The following HS6ST3 variants were observed in gnomAD, a reference collection of about 807,000 sequenced individuals.
HS6ST3 encodes the protein heparan-sulfate 6-O-sulfotransferase 3.
Under a neutral mutation model 36.7 loss-of-function variants are expected in HS6ST3, and 12 were observed. That is an observed-to-expected ratio of 0.33 (90% CI 0.21 to 0.53). The LOEUF is 0.53. Ranked by LOEUF, HS6ST3 falls within the 20% of genes least tolerant of loss-of-function variation. HS6ST3 has a pLI of 0.95. For missense variants in HS6ST3, 584 were observed against 640.9 expected (o/e 0.91, Z 0.96); for synonymous variants, 240 against 257.5 (o/e 0.93, Z 0.65).
intron 1 of HS6ST3, among the ~76,000 whole-genome samples, chr13:96,455,863 T>C (rs1594784113): frequency 6.6e-6 from 1 of 152,330 alleles, no homozygotes; most frequent in Non-Finnish European, 1.5e-5. Context: ...ACAGAAAGCC[T>C]GTGCTTTTGT....
At chr13:96,694,710 G>C (rs1456147190) in intron 1 of HS6ST3, among the ~76,000 whole-genome samples, 1 of 151,972 alleles carries the variant, frequency 6.6e-6, no homozygotes, top group African/African-American at 2.4e-5. Context: ...GTTATTTTTT[G>C]ACTTTTTAAT....
At chr13:96,565,981 T>C (rs1469664473) in intron 1 of HS6ST3, among the ~76,000 whole-genome samples, 2 of 152,130 alleles carry the variant, frequency 1.3e-5, no homozygotes, top group Non-Finnish European at 1.5e-5. Context: ...TGATGCAGGC[T>C]TATTCATACA....
intron 1 of HS6ST3, among the ~76,000 whole-genome samples, chr13:96,294,437 GTTTTTC>G (rs2054844767): frequency 6.6e-6 from 1 of 152,108 alleles, no homozygotes; most frequent in African/African-American, 2.4e-5. Context: ...AAAGAAGGAA[GTTTTTC>G]TTTTTCAGTT....
chr13:96,317,398 T>C, intron 1 of HS6ST3, among the ~76,000 whole-genome samples: 1 of 120,076 alleles, frequency 8.3e-6, no homozygotes, highest in East Asian at 2.3e-4. Flanking sequence ...ATATATATCA[T>C]GGAATATATA....
intron 1 of HS6ST3, among the ~76,000 whole-genome samples, chr13:96,162,678 C>A (rs1222971627): frequency 6.6e-6 from 1 of 152,104 alleles, no homozygotes; most frequent in African/African-American, 2.4e-5. Context: ...TGTGGTTTAA[C>A]TTTATTAAAT....
intron 1 of HS6ST3, among the ~76,000 whole-genome samples, chr13:96,773,743 G>A (rs554705003): frequency 5.9e-5 from 9 of 152,296 alleles, no homozygotes; most frequent in African/African-American, 2.2e-4. Flanking sequence ...GGCAGCTGTG[G>A]GCGCAGCTTC....
In HS6ST3 at chr13:96,399,393, G is replaced by T. The variant is rs555867480; in HGVS notation, c.707+307824G>T. ...ATGAGAAAATTTAATCACATATGACGTGTCTGTAACAGGGTTTAGATTAAT... is the reference window on the plus strand; with the variant it reads ...ATGAGAAAATTTAATCACATATGACTTGTCTGTAACAGGGTTTAGATTAAT... On this transcript the variant is annotated intron_variant, in intron 1 of 1. Transcript: ENST00000376705. 1.6e-4 allele frequency among the ~76,000 whole-genome samples: 24 copies of T among 152,226 alleles called. 1 individual carries two copies. The South Asian group carries it at 5.0e-3, about 32-fold the overall frequency.
chr13:96,247,666 C>CCCTT (rs1296990519), intron 1 of HS6ST3, among the ~76,000 whole-genome samples: 1 of 151,998 alleles, frequency 6.6e-6, no homozygotes, highest in Admixed American at 6.6e-5. Context: ...CAATACAAGC[C>CCCTT]CCTTCCTTCC....
chr13:96,711,050 T>A (rs1875549575), intron 1 of HS6ST3, among the ~76,000 whole-genome samples: 1 of 152,232 alleles, frequency 6.6e-6, no homozygotes, highest in African/African-American at 2.4e-5. Context: ...TCTTCTTTTG[T>A]CCCTTTTGTA....
At chr13:96,208,997 A>T (rs903670821) in intron 1 of HS6ST3, among the ~76,000 whole-genome samples, 1 of 152,192 alleles carries the variant, frequency 6.6e-6, no homozygotes, top group Non-Finnish European at 1.5e-5. Context: ...CATTAACTGC[A>T]TGAGTTTGTG....
chr13:96,798,112 A>G (rs537134284), intron 1 of HS6ST3, among the ~76,000 whole-genome samples: 47 of 152,136 alleles, frequency 3.1e-4, no homozygotes, highest in Admixed American at 1.0e-3. Flanking sequence ...ACTTACCCTT[A>G]CTGGCTTATT....
chr13:96,768,320 C>A (rs933284482), intron 1 of HS6ST3, among the ~76,000 whole-genome samples: 1 of 152,162 alleles, frequency 6.6e-6, no homozygotes, highest in African/African-American at 2.4e-5. Flanking sequence ...GAATGCTTAG[C>A]GTCATTCCCT....
chr13:96,686,998 C>T (rs612671), intron 1 of HS6ST3, among the ~76,000 whole-genome samples: 149,738 of 152,132 alleles, frequency 0.98, 73,735 homozygotes, highest in Middle Eastern at 1. Context: ...TTTATGCATG[C>T]ATGCTACTCT....
intron 1 of HS6ST3, among the ~76,000 whole-genome samples, chr13:96,654,703 C>T (rs2056618727): frequency 6.6e-6 from 1 of 152,044 alleles, no homozygotes; most frequent in African/African-American, 2.4e-5. Context: ...CAAAGAAACA[C>T]AGGATGAATA....
At chr13:96,679,992 A>G (rs1054754731) in intron 1 of HS6ST3, among the ~76,000 whole-genome samples, 1 of 151,980 alleles carries the variant, frequency 6.6e-6, no homozygotes, top group Non-Finnish European at 1.5e-5. Context: ...CAACGTGGGG[A>G]AGGAAGGCAA....
chr13:96,336,513 G>A (rs904541035), intron 1 of HS6ST3, among the ~76,000 whole-genome samples: 9 of 152,164 alleles, frequency 5.9e-5, no homozygotes, highest in African/African-American at 2.2e-4. Context: ...TCTGATTGGT[G>A]TCCATATTAG....
At chr13:96,656,998 T>TGTGTGTGTGTGAGAGA (rs1397374817) in intron 1 of HS6ST3, among the ~76,000 whole-genome samples, 7 of 98,276 alleles carry the variant, frequency 7.1e-5, no homozygotes, top group African/African-American at 3.0e-4. Context: ...TGTGTGTGTG[T>TGTGTGTGTGTGAGAGA]GAGAGAGAGA....
chr13:96,587,458 G>T (rs1320416369), intron 1 of HS6ST3, among the ~76,000 whole-genome samples: 1 of 152,094 alleles, frequency 6.6e-6, no homozygotes, highest in Non-Finnish European at 1.5e-5. Flanking sequence ...AAGAAAATAG[G>T]TTTCTTTACC....
intron 1 of HS6ST3, among the ~76,000 whole-genome samples, chr13:96,718,488 G>C (rs971434443): frequency 6.6e-6 from 1 of 151,968 alleles, no homozygotes; most frequent in Non-Finnish European, 1.5e-5. Context: ...CAACAAAAAG[G>C]GCAAAAAAGA....
Sources: gnomAD v4.1 joint callset for allele counts (sites outside exome capture counted in the v4.1 genomes callset) on GRCh38, gnomAD v4.1.1 for gene constraint, MANE v1.5 for transcripts, NCBI Gene and HGNC (gene_info 2026-07-23, HGNC 2026-07-21) for gene names.